The following ENKUR variants were observed in gnomAD, a reference collection of about 807,000 sequenced individuals.
ENKUR encodes the protein enkurin, TRPC channel interacting protein.
Under a neutral mutation model 27.6 loss-of-function variants are expected in ENKUR, and 19 were observed. The ratio of observed to expected loss-of-function variants is 0.69; its 90% confidence interval spans 0.48 to 1.01. The LOEUF (loss-of-function observed/expected upper bound fraction) is 1.01. ENKUR is among the 50% of genes least tolerant of loss of function. ENKUR has a pLI of 0.00. For missense variants in ENKUR, 312 were observed against 310.5 expected (o/e 1.00, Z -0.04); for synonymous variants, 117 against 96.9 (o/e 1.21, Z -1.22).
chr10:24,990,645 T>G, intron 3 of ENKUR, 36 bp from the exon 4 acceptor site: 3 of 1,574,686 alleles, frequency 1.9e-6, no homozygotes, highest in Non-Finnish European at 2.6e-6. Flanking sequence ...AATCAATATT[T>G]TGTATGCAAT....
intron 2 of ENKUR, among the ~76,000 whole-genome samples, chr10:25,045,028 CT>C (rs1851107462): frequency 6.6e-6 from 1 of 152,216 alleles, no homozygotes; most frequent in Non-Finnish European, 1.5e-5. Flanking sequence ...GCCTTACCAT[CT>C]GAGGAATGCT....
chr10:25,021,852 A>C (rs1850725304), intron 2 of ENKUR: 1 of 152,196 alleles, frequency 6.6e-6, no homozygotes, highest in Admixed American at 6.5e-5. Context: ...AACACATATA[A>C]ATTGAAAAGT....
intron 2 of ENKUR, among the ~76,000 whole-genome samples, chr10:25,048,324 A>G (rs1258057621): frequency 6.6e-6 from 1 of 152,106 alleles, no homozygotes; most frequent in African/African-American, 2.4e-5. Flanking sequence ...CAGCCAAAAG[A>G]GGAATGATAG....
chr10:24,992,748 TTAACCC>T (rs1849953056), intron 3 of ENKUR, among the ~76,000 whole-genome samples: 1 of 152,230 alleles, frequency 6.6e-6, no homozygotes, highest in Non-Finnish European at 1.5e-5. Context: ...ACAGTGTAAC[TTAACCC>T]ATCCTGACTG....
chr10:25,017,294 A>C (rs940577062), upstream of ENKUR, among the ~76,000 whole-genome samples: 2 of 152,292 alleles, frequency 1.3e-5, no homozygotes, highest in African/African-American at 2.4e-5. Flanking sequence ...ATCTATGCAC[A>C]TGGGCCTGCC....
intron 2 of ENKUR, among the ~76,000 whole-genome samples, chr10:25,051,903 G>A (rs984039043): frequency 2.0e-5 from 3 of 152,174 alleles, no homozygotes; most frequent in Non-Finnish European, 4.4e-5. Context: ...CCTCTGAAAT[G>A]ATTCTGCAAT....
intron 2 of ENKUR, among the ~76,000 whole-genome samples, chr10:25,058,665 T>C (rs1217465843): frequency 1.3e-5 from 2 of 151,148 alleles, no homozygotes; most frequent in Non-Finnish European, 2.9e-5. Context: ...GTGCAGTGGC[T>C]CATGCCTGTA....
chr10:24,987,088 T>C (rs1473256041), intron 4 of ENKUR, among the ~76,000 whole-genome samples: 1 of 152,178 alleles, frequency 6.6e-6, no homozygotes, highest in Non-Finnish European at 1.5e-5. Flanking sequence ...CAGAAGGCCC[T>C]GGAGGGTGGA....
At chr10:25,018,999 CCT>C (rs1374704838), upstream of ENKUR, among the ~76,000 whole-genome samples, 2 of 152,118 alleles carry the variant, frequency 1.3e-5, no homozygotes, top group African/African-American at 4.8e-5. Flanking sequence ...TCCACCCTCA[CCT>C]CTGTTTCATG....
chr10:25,008,298 A>C (rs546965150), intron 1 of ENKUR, among the ~76,000 whole-genome samples: 8 of 152,326 alleles, frequency 5.3e-5, no homozygotes, highest in African/African-American at 1.9e-4. Flanking sequence ...TAAGTTAATT[A>C]AAAAGGGTTA....
chr10:25,021,219 C>T (rs916567880), intron 2 of ENKUR, among the ~76,000 whole-genome samples: 1 of 152,188 alleles, frequency 6.6e-6, no homozygotes, highest in Non-Finnish European at 1.5e-5. Context: ...ATATTTTGTG[C>T]TAACCACTAT....
rs564800346 is a variant in ENKUR at position 24,990,571 on chromosome 10, G to A, written c.486C>T (p.Asn162=). The A allele has an allele frequency of 7.4e-6, 12 of 1,612,888 alleles. No homozygotes were observed. Among genetic ancestry groups the A allele is most frequent in the African/African-American group, 6.7e-5 (5 of 74,896 alleles). The change falls in exon 4 of 6, where the codon AAC becomes AAT. Residue 162 remains asparagine (N), a synonymous_variant. Coordinates refer to ENST00000331161, the MANE Select transcript of ENKUR (RefSeq NM_145010.4). ...GVTPEYICKR[N]EEIKKAQEDY... Reference sequence around the variant, plus strand: ...CTTCTTGGGCTTTCTTTATTTCCTCGTTTCGCTTACATATGTATTCAGGTG... The same window carrying A: ...CTTCTTGGGCTTTCTTTATTTCCTCATTTCGCTTACATATGTATTCAGGTG...
At chr10:24,993,184 A>G (rs1378477937) in intron 3 of ENKUR, among the ~76,000 whole-genome samples, 3 of 152,200 alleles carry the variant, frequency 2.0e-5, no homozygotes, top group Admixed American at 2.0e-4. Flanking sequence ...GATACAGTTC[A>G]GAAAAAAAAC....
intron 2 of ENKUR, among the ~76,000 whole-genome samples, chr10:25,026,886 A>AG (rs1420385027): frequency 2.2e-5 from 3 of 134,162 alleles, no homozygotes; most frequent in Non-Finnish European, 4.4e-5. Context: ...CTTAGCTTCT[A>AG]AAAAGGAGGT....
In ENKUR at chr10:24,991,174, GC is replaced by G. The variant is rs748296778; in HGVS notation, c.448-566del. Reference sequence around the variant, plus strand: ...TGAATGTTTCCCACGCCTGCTCCTGGCTGATACTTTACTCCTAAGAGTTGGC... The same window carrying G: ...TGAATGTTTCCCACGCCTGCTCCTGGTGATACTTTACTCCTAAGAGTTGGC... On this transcript the variant is annotated intron_variant, in intron 3 of 5. Coordinates refer to ENST00000331161, the MANE Select transcript of ENKUR (RefSeq NM_145010.4). Among the ~76,000 whole-genome samples the G allele has an allele frequency of 2.6e-5, 4 of 152,178 alleles. No homozygotes were observed. In the East Asian group the frequency reaches 7.7e-4, roughly 29 times the overall value.
In ENKUR at chr10:24,983,993, A is replaced by G. The variant is rs184470144; in HGVS notation, c.*377T>C. 1.5e-4 allele frequency: 28 copies of G among 182,202 alleles called. No homozygotes were observed. The East Asian group carries it at 2.1e-3, about 13-fold the overall frequency. The allele number at this position is 182,202 out of a possible 1,614,324, so 11.3% of individuals were successfully genotyped here. ...AGATAAGTAGAAAGGACCAAAAGGA[A>G]AAAAACATTTAAATAAGATATGCAT... On this transcript the variant is annotated 3_prime_UTR_variant, in exon 6 of 6. Transcript: ENST00000331161.
chr10:25,032,382 G>T (rs934729156), intron 2 of ENKUR, among the ~76,000 whole-genome samples: 5 of 151,968 alleles, frequency 3.3e-5, no homozygotes, highest in African/African-American at 1.2e-4. Flanking sequence ...TCACTGTTTT[G>T]TGGTGTTGGC....
chr10:25,008,613 C>T (rs1012527463), intron 1 of ENKUR, among the ~76,000 whole-genome samples: 1 of 152,176 alleles, frequency 6.6e-6, no homozygotes, highest in Non-Finnish European at 1.5e-5. Flanking sequence ...AACAGAACCA[C>T]ATTAAACAAA....
chr10:25,058,800 T>G (rs931865748), intron 2 of ENKUR, among the ~76,000 whole-genome samples: 2 of 151,816 alleles, frequency 1.3e-5, no homozygotes, highest in Non-Finnish European at 2.9e-5. Context: ...GTGTAGTGGC[T>G]CATGCCTGTA....
Sources: allele counts gnomAD v4.1 joint callset (sites outside exome capture counted in the v4.1 genomes callset), GRCh38; gene constraint gnomAD v4.1.1; transcripts MANE v1.5; gene names NCBI Gene and HGNC (gene_info 2026-07-23, HGNC 2026-07-21).